The following KIAA1549L variants were observed in gnomAD, a reference collection of about 807,000 sequenced individuals.
KIAA1549L encodes the protein UPF0606 protein KIAA1549L.
KIAA1549L carries 88 observed loss-of-function variants against 160.7 expected under a neutral mutation model. That is an observed-to-expected ratio of 0.55 (90% CI 0.46 to 0.65). The LOEUF (loss-of-function observed/expected upper bound fraction) is 0.65. Ranked by LOEUF, KIAA1549L falls within the 30% of genes least tolerant of loss-of-function variation. KIAA1549L has a pLI of 0.00. For synonymous variants in KIAA1549L, 950 were observed against 976.7 expected (o/e 0.97, Z 0.51); for missense variants, 2,258 against 2,437.5 (o/e 0.93, Z 1.55).
chr11:33,623,864 A>G (rs1184833223), intron 16 of KIAA1549L, among the ~76,000 whole-genome samples: 1 of 152,150 alleles, frequency 6.6e-6, no homozygotes, highest in Non-Finnish European at 1.5e-5. Flanking sequence ...CCCTTCTGTT[A>G]GCAGCACTCA....
chr11:33,629,288 G>A (rs1212301980), intron 16 of KIAA1549L, among the ~76,000 whole-genome samples: 1 of 152,096 alleles, frequency 6.6e-6, no homozygotes, highest in Non-Finnish European at 1.5e-5. Context: ...TTCTCGAGGA[G>A]TATCTTTGTG....
Position 33,511,535 on chromosome 11 carries a change from G to T in KIAA1549L, c.239-30267G>T, listed in dbSNP as rs60286267. 8.8e-3 allele frequency among the ~76,000 whole-genome samples: 1,334 copies of T among 152,364 alleles called. 16 individuals are homozygous for T. The highest frequency in any genetic ancestry group is 0.04 in the East Asian group (208 of 5,190). ...CCACTGGAGGAATCGGTGATGCAATGTTACCAAATACCTGTGTACAGTTCC... is the reference window on the plus strand; with the variant it reads ...CCACTGGAGGAATCGGTGATGCAATTTTACCAAATACCTGTGTACAGTTCC... On this transcript the variant is annotated intron_variant, in intron 1 of 20. Coordinates refer to ENST00000658780, the MANE Select transcript of KIAA1549L (RefSeq NM_012194.3).
chr11:33,648,524 C>A (rs901089459), intron 17 of KIAA1549L, among the ~76,000 whole-genome samples: 2 of 46,616 alleles, frequency 4.3e-5, no homozygotes, highest in Non-Finnish European at 9.9e-5. Context: ...TTTCTGTCTT[C>A]TAAAGAGGAG....
chr11:33,550,905 T>A, intron 4 of KIAA1549L, 135 bp from the exon 5 acceptor site: 1 of 742,038 alleles, frequency 1.3e-6, no homozygotes, highest in South Asian at 1.7e-5. Context: ...ATAGAATTGT[T>A]AAGAATATTT....
rs531521147 is a variant in KIAA1549L, at chr11:33,419,962, A to G, written c.238+43073A>G. Among the ~76,000 whole-genome samples the G allele has an allele frequency of 2.0e-5, 3 of 152,270 alleles. No homozygotes were observed. In the East Asian group the frequency reaches 5.8e-4, roughly 29 times the overall value. On this transcript the variant is annotated intron_variant, in intron 1 of 20. Transcript: ENST00000658780. The stretch of plus-strand genomic sequence containing the variant: ...AGCAGGAAGTGTTCAAAGAGACCGT[A>G]TTATAATATTAGGCTTCCTTGTAAT...
chr11:33,660,785 A>C, intron 19 of KIAA1549L, 78 bp from the exon 20 acceptor site: 1 of 1,450,786 alleles, frequency 6.9e-7, no homozygotes, highest in Non-Finnish European at 9.5e-7. Flanking sequence ...AATGAAACTG[A>C]CTTTATTTGG....
chr11:33,435,226 A>G (rs1247133117), intron 1 of KIAA1549L, among the ~76,000 whole-genome samples: 1 of 152,204 alleles, frequency 6.6e-6, no homozygotes, highest in Non-Finnish European at 1.5e-5. Context: ...AAGTAAGAAG[A>G]ATTGCCTTGT....
At chr11:33,554,456 G>C (rs114327236) in intron 6 of KIAA1549L, among the ~76,000 whole-genome samples, 1 of 152,128 alleles carries the variant, frequency 6.6e-6, no homozygotes, top group Admixed American at 6.5e-5. Context: ...CATTTATTCC[G>C]ACACAGTTGT....
At chr11:33,432,801 T>C (rs987803483) in intron 1 of KIAA1549L, among the ~76,000 whole-genome samples, 2 of 152,140 alleles carry the variant, frequency 1.3e-5, no homozygotes, top group Admixed American at 1.3e-4. Flanking sequence ...CCATCTGATC[T>C]TCAAAAAACC....
At chr11:33,597,109 C>T (rs954272294) in intron 12 of KIAA1549L, among the ~76,000 whole-genome samples, 7 of 152,106 alleles carry the variant, frequency 4.6e-5, no homozygotes, top group African/African-American at 1.2e-4. Context: ...TTGGGTTAAA[C>T]GAGACCAGAT....
At chr11:33,538,143 A>G (rs1287689062) in intron 1 of KIAA1549L, among the ~76,000 whole-genome samples, 1 of 152,188 alleles carries the variant, frequency 6.6e-6, no homozygotes, top group Non-Finnish European at 1.5e-5. Context: ...TGCTGAGTGA[A>G]GTGGGGAGAG....
rs564740404 is a variant in KIAA1549L at position 33,554,685 on chromosome 11, C to T, written c.3855+2444C>T. Among the ~76,000 whole-genome samples the T allele has an allele frequency of 3.3e-5, 5 of 152,298 alleles. No individual in the cohort carries two copies. The South Asian group carries it at 1.0e-3, about 32-fold the overall frequency. ...TCTCATTGAACCTACTGTGCCCTTT[C>T]TGGGCCAAGGAGGTTAAATGTCCCA... On this transcript the variant is annotated intron_variant, in intron 6 of 20. Coordinates refer to ENST00000658780, the MANE Select transcript of KIAA1549L (RefSeq NM_012194.3).
At chr11:33,435,774 A>AT (rs1565135690) in intron 1 of KIAA1549L, among the ~76,000 whole-genome samples, 1 of 6,120 alleles carries the variant, frequency 1.6e-4, no homozygotes, top group African/African-American at 1.2e-3. Context: ...ATATATATAT[A>AT]TATATATATA....
chr11:33,630,625 C>A (rs536000919), intron 16 of KIAA1549L, among the ~76,000 whole-genome samples: 1 of 151,810 alleles, frequency 6.6e-6, no homozygotes, highest in South Asian at 2.1e-4. Flanking sequence ...GGCAATGCCT[C>A]GCCCTGCTTC....
chr11:33,657,304 G>A (rs896582709), intron 18 of KIAA1549L, among the ~76,000 whole-genome samples: 2 of 152,146 alleles, frequency 1.3e-5, no homozygotes, highest in Non-Finnish European at 2.9e-5. Flanking sequence ...GAGGTTTGCT[G>A]AAGGCCAGCA....
chr11:33,585,478 G>A (rs990686245), intron 11 of KIAA1549L, among the ~76,000 whole-genome samples: 2 of 151,948 alleles, frequency 1.3e-5, no homozygotes, highest in South Asian at 2.1e-4. Context: ...AGATCACACC[G>A]TTGCACTCTA....
At chr11:33,379,417 C>T (rs938128488) in intron 1 of KIAA1549L, among the ~76,000 whole-genome samples, 14 of 152,142 alleles carry the variant, frequency 9.2e-5, no homozygotes, top group Non-Finnish European at 1.8e-4. Flanking sequence ...CTCCGTCTTC[C>T]GTCTTGCTTC....
intron 12 of KIAA1549L, among the ~76,000 whole-genome samples, chr11:33,594,607 C>A (rs948148795): frequency 6.6e-6 from 1 of 152,196 alleles, no homozygotes; most frequent in African/African-American, 2.4e-5. Context: ...ATAAGCATTT[C>A]TCAAATCTTT....
At chr11:33,663,855 A>G (rs575399651) in intron 20 of KIAA1549L, among the ~76,000 whole-genome samples, 1 of 152,340 alleles carries the variant, frequency 6.6e-6, no homozygotes, top group South Asian at 2.1e-4. Context: ...ATCAGGAGCA[A>G]TAACTGTTAC....
Sources: gnomAD v4.1 joint callset for allele counts (sites outside exome capture counted in the v4.1 genomes callset) on GRCh38, gnomAD v4.1.1 for gene constraint, MANE v1.5 for transcripts, NCBI Gene and HGNC (gene_info 2026-07-23, HGNC 2026-07-21) for gene names.